Variants in SPDYE4 observed in about 807,000 individuals in gnomAD.
SPDYE4 encodes speedy/RINGO cell cycle regulator family member E4.
Under a neutral mutation model 37.5 loss-of-function variants are expected in SPDYE4, and 30 were observed. That is an observed-to-expected ratio of 0.80 (90% CI 0.60 to 1.09). SPDYE4 has a LOEUF of 1.09. SPDYE4 is among the 50% of genes least tolerant of loss of function. SPDYE4 has a pLI of 0.00. For synonymous variants in SPDYE4, 131 were observed against 120.3 expected (o/e 1.09, Z -0.58); for missense variants, 300 against 307.9 (o/e 0.97, Z 0.19).
intron 6 of SPDYE4, 125 bp downstream of exon 6, chr17:8,752,969 G>T: frequency 2.3e-6 from 2 of 851,868 alleles, no homozygotes; most frequent in Non-Finnish European, 1.8e-6. Context: ...GCTAATTTTT[G>T]TATTTTTGTG....
At chr17:8,750,481 C>T (rs559033084), downstream of SPDYE4, among the ~76,000 whole-genome samples, 164 of 152,326 alleles carry the variant, frequency 1.1e-3, no homozygotes, top group African/African-American at 3.6e-3. Flanking sequence ...GAGGCCGAGG[C>T]GGATGGCTCA....
intron 4 of SPDYE4, among the ~76,000 whole-genome samples, chr17:8,754,201 A>T (rs2086753397): frequency 6.6e-6 from 1 of 152,254 alleles, no homozygotes; most frequent in Admixed American, 6.5e-5. Flanking sequence ...GATTTATCTT[A>T]TAGGCAAATG....
In SPDYE4 at chr17:8,757,404, C is replaced by T. The variant is rs745818593; in HGVS notation, c.198G>A (p.Glu66=). ...GGGCGCGCTCCAACTCCAGCTCCTC[C>T]TCCAGCTCCTCCTCGGATTCGTCTG... ...EWSDESEEEL[E]EELELERAPE... The change falls in exon 2 of 7, where the codon GAG becomes GAA. Residue 66 remains glutamate, a synonymous_variant. Transcript: ENST00000689094. The T allele has an allele frequency of 2.5e-6, 4 of 1,591,368 alleles. No individual in the cohort carries two copies. The highest frequency in any genetic ancestry group is 3.6e-5 in the Admixed American group (2 of 55,298).
At chr17:8,757,548 GC>G in intron 1 of SPDYE4, 56 bp from the exon 2 acceptor site, 1 of 1,548,346 alleles carries the variant, frequency 6.5e-7, no homozygotes, top group Non-Finnish European at 8.8e-7. Context: ...CACCTTAGAC[GC>G]CCCGACCCAG....
In SPDYE4 at chr17:8,752,050, T is replaced by C. The variant is rs924969885; in HGVS notation, c.*232A>G. 3.9e-5 allele frequency among the ~76,000 whole-genome samples: 6 copies of C among 152,282 alleles called. No homozygotes were observed. The highest frequency in any genetic ancestry group is 1.4e-4 in the African/African-American group (6 of 41,556). ...CCCTGGTTTCTCACTTTCCCTCCAC[T>C]GACTCCTAGAAATACCTCCATGGCT... On this transcript the variant is annotated 3_prime_UTR_variant, in exon 7 of 7. Transcript: ENST00000689094.
chr17:8,757,403 C>G lies in SPDYE4; in HGVS notation c.199G>C (p.Glu67Gln), dbSNP rs925123396. 5.7e-6 allele frequency: 9 copies of G among 1,591,016 alleles called. No individual in the cohort carries two copies. The highest frequency in any genetic ancestry group is 7.7e-6 in the Non-Finnish European group (9 of 1,168,422). The change falls in exon 2 of 7, where the codon GAG (glutamate) becomes CAG (glutamine). Residue 67 changes from glutamate (E) to glutamine (Q), a missense_variant. By Grantham distance (29) the Glu-to-Gln change is conservative (BLOSUM62 2). Coordinates refer to ENST00000689094, the MANE Select transcript of SPDYE4 (RefSeq NM_001394956.1). ...GGGGCGCGCTCCAACTCCAGCTCCTCCTCCAGCTCCTCCTCGGATTCGTCT... is the reference window on the plus strand; with the variant it reads ...GGGGCGCGCTCCAACTCCAGCTCCTGCTCCAGCTCCTCCTCGGATTCGTCT... ...WSDESEEELE[E>Q]ELELERAPEP...
rs956560029 is a variant in SPDYE4 at position 8,757,667 on chromosome 17, C to T, written c.110-175G>A. On this transcript the variant is annotated intron_variant, in intron 1 of 6. Transcript: ENST00000689094. ...TGATCCCCATCTGCCTCTCCCTCAC[C>T]TCCCCATTCTTCCGGCTCTCTGTCC... 2.0e-5 allele frequency among the ~76,000 whole-genome samples: 3 copies of T among 152,200 alleles called. No individual in the cohort carries two copies. The South Asian group carries it at 6.2e-4, about 32-fold the overall frequency.
At position 8,753,285 on chromosome 17, in the gene SPDYE4, C is replaced by T. The variant is rs550287502; in HGVS notation, c.654+36G>A. On this transcript the variant is annotated intron_variant, in intron 5 of 6. Coordinates refer to ENST00000689094, the MANE Select transcript of SPDYE4 (RefSeq NM_001394956.1). Reference sequence around the variant, plus strand: ...CTCCAGCCTCCAGTCCACCCCATCCCTCCCCACCCCCACCTCCTCATATGG... The same window carrying T: ...CTCCAGCCTCCAGTCCACCCCATCCTTCCCCACCCCCACCTCCTCATATGG... 3.6e-6 allele frequency: 5 copies of T among 1,392,282 alleles called. No homozygotes were observed. The South Asian group carries it at 3.7e-5, about 10-fold the overall frequency. 86.2% of individuals were successfully genotyped at this position (1,392,282 alleles called of 1,614,324 possible). A position where few individuals can be genotyped will look rare whatever the true frequency, so the allele number is the denominator to read the frequency against.
chr17:8,747,828 C>G (rs2086700803), downstream of SPDYE4, among the ~76,000 whole-genome samples: 1 of 152,196 alleles, frequency 6.6e-6, no homozygotes, highest in Non-Finnish European at 1.5e-5. Flanking sequence ...GAAACCCTGT[C>G]TTAGTCCGTT....
intron 3 of SPDYE4, 101 bp downstream of exon 3, chr17:8,756,277 T>G: frequency 1.9e-6 from 2 of 1,074,200 alleles, no homozygotes; most frequent in Non-Finnish European, 1.4e-6. Flanking sequence ...AGGTGGGAGA[T>G]GGTAGAGGGA....
In SPDYE4 at chr17:8,751,162, A is replaced by G. The variant is rs576074465; in HGVS notation, c.*1120T>C. On this transcript the variant is annotated 3_prime_UTR_variant, in exon 7 of 7. Transcript: ENST00000689094. Reference sequence around the variant, plus strand: ...TGCTCCCTTCAGCAGCACATGTAATAACAGATAAAAAGATTTAAAAATAAA... The same window carrying G: ...TGCTCCCTTCAGCAGCACATGTAATGACAGATAAAAAGATTTAAAAATAAA... 1.3e-5 allele frequency among the ~76,000 whole-genome samples: 2 copies of G among 152,264 alleles called. No homozygotes were observed. Among genetic ancestry groups the G allele is most frequent in the Non-Finnish European group, 2.9e-5 (2 of 68,050 alleles).
chr17:8,757,785 C>CT lies in SPDYE4; in HGVS notation c.110-294dup, dbSNP rs1555524402. ...CTGTCTGCTCTCTCTCTCTCTCTCT[C>CT]TTTTTTTTTTTTTTGAGATGGAGTC... On this transcript the variant is annotated intron_variant, in intron 1 of 6. Coordinates refer to ENST00000689094, the MANE Select transcript of SPDYE4 (RefSeq NM_001394956.1). 3.7e-3 allele frequency among the ~76,000 whole-genome samples: 393 copies of CT among 107,376 alleles called. 2 individuals carry two copies. The highest frequency in any genetic ancestry group is 8.7e-3 in the African/African-American group (277 of 31,852). The allele number at this position is 107,376 out of a possible 152,430, so 70.4% of individuals were successfully genotyped here. A position where few individuals can be genotyped will look rare whatever the true frequency, so the allele number is the denominator to read the frequency against.
chr17:8,756,328 C>G, intron 3 of SPDYE4, 50 bp downstream of exon 3: 1 of 1,576,660 alleles, frequency 6.3e-7, no homozygotes, highest in South Asian at 1.1e-5. Flanking sequence ...GCACCCTTCC[C>G]CAGGACGTGT....
At chr17:8,756,925 T>G (rs1466894790) in intron 2 of SPDYE4, among the ~76,000 whole-genome samples, 1 of 151,950 alleles carries the variant, frequency 6.6e-6, no homozygotes, top group Non-Finnish European at 1.5e-5. Context: ...TATGACAGGG[T>G]CTTTCCTTGT....
At position 8,753,365 on chromosome 17, in the gene SPDYE4, A is replaced by C. The variant is rs1158984416; in HGVS notation, c.610T>G (p.Ser204Ala). 1.9e-6 allele frequency: 3 copies of C among 1,564,092 alleles called. No individual in the cohort carries two copies. Among genetic ancestry groups the C allele is most frequent in the Non-Finnish European group, 2.6e-6 (3 of 1,153,636 alleles). Residue 204 changes from serine to alanine, a missense_variant, in exon 5 of 7, where the codon TCC becomes GCC. Coordinates refer to ENST00000689094, the MANE Select transcript of SPDYE4 (RefSeq NM_001394956.1). ...FHKLRYQLLC[S>A]MRWRTWVSPE... ...GAAACCCACGTCCTCCAGCGCATGG[A>C]ACAGAGGAGCTGGTATCGAAGCTTA...
At chr17:8,748,495 C>T (rs1008463403), downstream of SPDYE4, among the ~76,000 whole-genome samples, 1 of 152,222 alleles carries the variant, frequency 6.6e-6, no homozygotes, top group African/African-American at 2.4e-5. Context: ...CCTGTCCTGG[C>T]ACCTTGATCT....
chr17:8,753,299 C>T, intron 5 of SPDYE4, 22 bp downstream of exon 5: 1 of 1,567,232 alleles, frequency 6.4e-7, no homozygotes, highest in Admixed American at 1.9e-5. Flanking sequence ...CCACCCCCAC[C>T]TCCTCATATG....
chr17:8,752,691 T>C (rs2086736587), intron 6 of SPDYE4, among the ~76,000 whole-genome samples: 1 of 152,156 alleles, frequency 6.6e-6, no homozygotes, highest in South Asian at 2.1e-4. Context: ...TAATGCTTGG[T>C]CCTAAATGTG....
downstream of SPDYE4, among the ~76,000 whole-genome samples, chr17:8,749,935 G>T (rs2086716174): frequency 1.3e-5 from 2 of 152,160 alleles, no homozygotes; most frequent in Admixed American, 1.3e-4. Flanking sequence ...TTGCATTCTA[G>T]GCTCAGCCAT....
Sources: gnomAD v4.1 joint callset for allele counts (sites outside exome capture counted in the v4.1 genomes callset) on GRCh38, gnomAD v4.1.1 for gene constraint, MANE v1.5 for transcripts, NCBI Gene and HGNC (gene_info 2026-07-23, HGNC 2026-07-21) for gene names.